The following PTPRG variants were observed in gnomAD, a reference collection of about 807,000 sequenced individuals.
PTPRG encodes protein tyrosine phosphatase receptor type G.
Under a neutral mutation model 165.3 loss-of-function variants are expected in PTPRG, and 102 were observed. The ratio of observed to expected loss-of-function variants is 0.62; its 90% confidence interval spans 0.53 to 0.73. PTPRG has a LOEUF of 0.73. Ranked by LOEUF, PTPRG falls within the 30% of genes least tolerant of loss-of-function variation. The probability of loss-of-function intolerance (pLI) is 0.00; values close to 1 mark genes in which losing one functional copy is unlikely to be tolerated. For synonymous variants in PTPRG, 675 were observed against 669.5 expected (o/e 1.01, Z -0.13); for missense variants, 1,866 against 1,861.4 (o/e 1.00, Z -0.05).
At chr3:61,769,183 T>A (rs1183959111) in intron 2 of PTPRG, 1 of 152,166 alleles carries the variant, frequency 6.6e-6, no homozygotes, top group East Asian at 1.9e-4. Flanking sequence ...ATACCTTCCT[T>A]AAGAGGGTGA....
chr3:62,078,034 A>G, intron 4 of PTPRG, 129 bp from the exon 5 acceptor site: 1 of 621,856 alleles, frequency 1.6e-6, no homozygotes. Context: ...AAGGAAAAAT[A>G]TGAACAGGTG....
At chr3:61,629,403 C>G (rs1015121413) in intron 1 of PTPRG, among the ~76,000 whole-genome samples, 1 of 152,152 alleles carries the variant, frequency 6.6e-6, no homozygotes, top group Admixed American at 6.5e-5. Flanking sequence ...ATCCGCCTGC[C>G]TTGGTCTCCT....
At chr3:62,084,545 T>TA in intron 5 of PTPRG, among the ~76,000 whole-genome samples, 1 of 152,208 alleles carries the variant, frequency 6.6e-6, no homozygotes, top group Non-Finnish European at 1.5e-5. Flanking sequence ...ATGTCGGTGT[T>TA]ACAGACTGCT....
intron 1 of PTPRG, among the ~76,000 whole-genome samples, chr3:61,575,967 G>A (rs1401350074): frequency 6.6e-6 from 1 of 152,164 alleles, no homozygotes; most frequent in Non-Finnish European, 1.5e-5. Context: ...CAGTGTTTAA[G>A]ATTCATGAAA....
At chr3:62,165,689 C>A in intron 7 of PTPRG, among the ~76,000 whole-genome samples, 1 of 152,084 alleles carries the variant, frequency 6.6e-6, no homozygotes, top group East Asian at 1.9e-4. Context: ...ATGTAAAAGG[C>A]AGAAAAAATT....
At chr3:61,667,793 T>G (rs1468993538) in intron 1 of PTPRG, among the ~76,000 whole-genome samples, 2 of 134,300 alleles carry the variant, frequency 1.5e-5, no homozygotes, top group African/African-American at 5.9e-5. Context: ...ATTTTTTTAA[T>G]TAAAAAAAAA....
chr3:62,123,878 C>G (rs1294023908), intron 5 of PTPRG, among the ~76,000 whole-genome samples: 1 of 152,104 alleles, frequency 6.6e-6, no homozygotes, highest in East Asian at 1.9e-4. Flanking sequence ...TGAAAAAAGG[C>G]AAAGTCTGCT....
intron 4 of PTPRG, among the ~76,000 whole-genome samples, chr3:62,049,254 AG>A (rs1700396433): frequency 6.6e-6 from 1 of 152,188 alleles, no homozygotes; most frequent in Non-Finnish European, 1.5e-5. Flanking sequence ...CACTGTTTTA[AG>A]GTTATACCAC....
intron 12 of PTPRG, among the ~76,000 whole-genome samples, chr3:62,205,046 A>G (rs991596861): frequency 6.6e-6 from 1 of 151,744 alleles, no homozygotes; most frequent in Non-Finnish European, 1.5e-5. Context: ...TTGCTTTTGC[A>G]CTTGTAAACA....
chr3:61,845,848 G>T (rs1334732454), intron 2 of PTPRG, among the ~76,000 whole-genome samples: 8 of 147,596 alleles, frequency 5.4e-5, no homozygotes, highest in Admixed American at 1.3e-4. Context: ...GTGAGTGGAG[G>T]TTGTTTCCTA....
At chr3:61,857,736 T>A (rs1326970253) in intron 2 of PTPRG, among the ~76,000 whole-genome samples, 2 of 152,204 alleles carry the variant, frequency 1.3e-5, no homozygotes, top group Non-Finnish European at 2.9e-5. Flanking sequence ...AGTATGCTGA[T>A]GTTGAATGTT....
intron 1 of PTPRG, among the ~76,000 whole-genome samples, chr3:61,741,470 G>T (rs539305980): frequency 2.6e-4 from 40 of 152,178 alleles, no homozygotes; most frequent in Admixed American, 7.9e-4. Flanking sequence ...TATGGAAGCT[G>T]ACCTATTCTC....
chr3:62,029,951 C>T (rs915880189), intron 4 of PTPRG, among the ~76,000 whole-genome samples: 7 of 152,142 alleles, frequency 4.6e-5, no homozygotes, highest in African/African-American at 1.7e-4. Context: ...TTTTCTGACT[C>T]TGGTTGAATG....
intron 1 of PTPRG, among the ~76,000 whole-genome samples, chr3:61,711,852 A>G (rs2031571793): frequency 6.6e-6 from 1 of 151,736 alleles, no homozygotes; most frequent in Non-Finnish European, 1.5e-5. Flanking sequence ...CTGGAAAAAG[A>G]TATGGCCCAT....
At chr3:61,806,706 G>C (rs1319874959) in intron 2 of PTPRG, among the ~76,000 whole-genome samples, 3 of 152,128 alleles carry the variant, frequency 2.0e-5, no homozygotes, top group Non-Finnish European at 4.4e-5. Context: ...ATGGGCCCAT[G>C]GCTGAATTAC....
At chr3:61,854,945 C>T (rs750531284) in intron 2 of PTPRG, among the ~76,000 whole-genome samples, 1 of 152,122 alleles carries the variant, frequency 6.6e-6, no homozygotes, top group Non-Finnish European at 1.5e-5. Flanking sequence ...GTGCCTAAAT[C>T]GCACATTTGC....
At chr3:62,278,578 A>G (rs1029633306) in intron 26 of PTPRG, among the ~76,000 whole-genome samples, 2 of 152,044 alleles carry the variant, frequency 1.3e-5, no homozygotes, top group Non-Finnish European at 2.9e-5. Context: ...CCTTTATGAT[A>G]GTCAGATTAA....
intron 1 of PTPRG, among the ~76,000 whole-genome samples, chr3:61,738,254 ATT>A (rs199683150): frequency 0.72 from 61,715 of 85,924 alleles, 20,593 homozygotes; most frequent in Non-Finnish European, 0.76. Context: ...TTCTTTGTCC[ATT>A]TTTATATATA....
At chr3:62,136,411 C>A (rs1703711637) in intron 6 of PTPRG, among the ~76,000 whole-genome samples, 1 of 152,140 alleles carries the variant, frequency 6.6e-6, no homozygotes, top group African/African-American at 2.4e-5. Flanking sequence ...AGAAGGGATG[C>A]AGGCAGGACC....
Sources: allele counts gnomAD v4.1 joint callset (sites outside exome capture counted in the v4.1 genomes callset), GRCh38; gene constraint gnomAD v4.1.1; transcripts MANE v1.5; gene names NCBI Gene and HGNC (gene_info 2026-07-23, HGNC 2026-07-21).